Variants in RALYL observed in about 807,000 individuals in gnomAD.
The protein encoded by RALYL is RALY RNA binding protein like, also known as RNA-binding Raly-like protein.
In RALYL, 29 loss-of-function variants were observed where a neutral mutation model predicts 35.1. The observed-to-expected ratio is 0.83, with a 90% confidence interval of 0.61 to 1.13. The LOEUF (loss-of-function observed/expected upper bound fraction) is 1.13, where lower values mean the gene tolerates loss of function less well. RALYL is among the 50% of genes most tolerant of loss of function. The probability of loss-of-function intolerance (pLI) is 0.00; values close to 1 mark genes in which losing one functional copy is unlikely to be tolerated. For synonymous variants in RALYL, 120 were observed against 127.6 expected, an observed-to-expected ratio of 0.94 and a Z score of 0.40; for missense variants, 359 against 360.4, an observed-to-expected ratio of 1.00 and a Z score of 0.03.
Position 84,245,277 on chromosome 8 carries a change from A to G in RALYL, c.-24+60853A>G, listed in dbSNP as rs201829010. ...ATCTGGAACAATTGTCTCTGCTAGC[A>G]AGATGTGCAGAAACACAAAAGACTC... On this transcript the variant is annotated intron_variant, in intron 1 of 8. Coordinates refer to ENST00000521268, the MANE Select transcript of RALYL (RefSeq NM_173848.7). Among the ~76,000 whole-genome samples, 41 of 152,320 alleles carry G rather than the reference A, an allele frequency of 2.7e-4. No individual in the cohort carries two copies. In the East Asian group the frequency reaches 7.3e-3, roughly 27 times the overall value.
At chr8:84,431,604 T>C (rs2047151746) in intron 1 of RALYL, among the ~76,000 whole-genome samples, 1 of 152,166 alleles carries the variant, frequency 6.6e-6, no homozygotes, top group African/African-American at 2.4e-5. Context: ...TCTAGTTGTA[T>C]AGTATCAACC....
chr8:84,567,377 T>C (rs1252214), intron 2 of RALYL, among the ~76,000 whole-genome samples: 45,499 of 151,498 alleles, frequency 0.3, 7,690 homozygotes, highest in African/African-American at 0.46. Flanking sequence ...CCTCCCTTTT[T>C]GGAGTCCCCA....
intron 2 of RALYL, among the ~76,000 whole-genome samples, chr8:84,665,358 C>T (rs1428115369): frequency 6.6e-6 from 1 of 151,968 alleles, no homozygotes; most frequent in African/African-American, 2.4e-5. Flanking sequence ...AAGAGTCCCT[C>T]CTTTTCAATT....
intron 5 of RALYL, among the ~76,000 whole-genome samples, chr8:84,861,251 A>C (rs140369142): frequency 2.8e-4 from 43 of 152,272 alleles, no homozygotes; most frequent in African/African-American, 8.9e-4. Flanking sequence ...ACGTAATTAC[A>C]TGTCTAGTTC....
intron 2 of RALYL, among the ~76,000 whole-genome samples, chr8:84,538,229 A>G (rs2059759812): frequency 6.6e-6 from 1 of 152,192 alleles, no homozygotes; most frequent in African/African-American, 2.4e-5. Context: ...CACTGAACCT[A>G]AATTAGCGAA....
chr8:84,869,724 C>T (rs915091305), intron 6 of RALYL, among the ~76,000 whole-genome samples: 3 of 152,110 alleles, frequency 2.0e-5, no homozygotes, highest in Admixed American at 6.6e-5. Context: ...TTAAGAACCA[C>T]GGATCTAGAC....
intron 4 of RALYL, among the ~76,000 whole-genome samples, chr8:84,841,645 C>G (rs971113588): frequency 4.6e-5 from 7 of 152,140 alleles, no homozygotes; most frequent in Non-Finnish European, 7.3e-5. Flanking sequence ...AACTGTCTAC[C>G]CCAAATCAAC....
intron 1 of RALYL, among the ~76,000 whole-genome samples, chr8:84,408,152 A>G (rs1302030926): frequency 6.6e-6 from 1 of 152,154 alleles, no homozygotes; most frequent in Non-Finnish European, 1.5e-5. Context: ...AATGTTTAAA[A>G]TGTCATCCAC....
At chr8:84,621,921 C>T (rs577136708) in intron 2 of RALYL, among the ~76,000 whole-genome samples, 3 of 152,276 alleles carry the variant, frequency 2.0e-5, no homozygotes, top group African/African-American at 7.2e-5. Context: ...AACCAATTTA[C>T]TATGACTTTT....
chr8:84,545,081 T>A (rs2060266994), intron 2 of RALYL, among the ~76,000 whole-genome samples: 1 of 152,108 alleles, frequency 6.6e-6, no homozygotes, highest in Non-Finnish European at 1.5e-5. Context: ...TTTATGTCTC[T>A]TATCCATGTG....
At chr8:84,248,285 G>A (rs1206351485) in intron 1 of RALYL, among the ~76,000 whole-genome samples, 1 of 152,066 alleles carries the variant, frequency 6.6e-6, no homozygotes, top group African/African-American at 2.4e-5. Context: ...ATTTCAGGGG[G>A]CTTATGGGAG....
At chr8:84,686,367 A>T (rs548913328) in intron 2 of RALYL, among the ~76,000 whole-genome samples, 1 of 151,816 alleles carries the variant, frequency 6.6e-6, no homozygotes, top group African/African-American at 2.4e-5. Flanking sequence ...AACTGCCAGC[A>T]TGTTATTTAG....
chr8:84,381,924 T>C (rs1385717461), intron 1 of RALYL, among the ~76,000 whole-genome samples: 1 of 151,808 alleles, frequency 6.6e-6, no homozygotes, highest in Non-Finnish European at 1.5e-5. Context: ...TAGGGAAAAA[T>C]AGAAATAATC....
intron 8 of RALYL, among the ~76,000 whole-genome samples, chr8:84,900,412 C>T (rs1845471005): frequency 6.6e-6 from 1 of 152,130 alleles, no homozygotes; most frequent in African/African-American, 2.4e-5. Flanking sequence ...TGCGGTGGCT[C>T]ACGTCTGTAA....
chr8:84,877,495 A>AT lies in RALYL; in HGVS notation c.685+4098_685+4099insT, dbSNP rs1563794435. On this transcript the variant is annotated intron_variant, in intron 7 of 8. Transcript: ENST00000521268. Reference sequence around the variant, plus strand: ...GCGAGATTCCATCTCAAAACAAATAAATATATATATATATATATACACATA... The same window carrying AT: ...GCGAGATTCCATCTCAAAACAAATAATATATATATATATATATATACACATA... 2.7e-5 allele frequency among the ~76,000 whole-genome samples: 4 copies of AT among 149,446 alleles called. No homozygotes were observed. The East Asian group carries it at 7.8e-4, about 29-fold the overall frequency.
intron 2 of RALYL, among the ~76,000 whole-genome samples, chr8:84,753,665 C>T (rs936555363): frequency 3.3e-5 from 5 of 152,054 alleles, no homozygotes; most frequent in Admixed American, 1.3e-4. Flanking sequence ...GCACCTCTTC[C>T]CCACCCTTTC....
At chr8:84,559,120 A>AT (rs1218995796) in intron 2 of RALYL, among the ~76,000 whole-genome samples, 5 of 151,618 alleles carry the variant, frequency 3.3e-5, no homozygotes, top group Admixed American at 1.3e-4. Context: ...ACTGAGTGAT[A>AT]TTTTTTTTAA....
chr8:84,216,121 T>G lies in RALYL; in HGVS notation c.-24+31697T>G, dbSNP rs58245048. ...GACCCAGGGCTGTAATTATCTCTGT[T>G]GTACAGATAAGAAAACAGCTTTATA... On this transcript the variant is annotated intron_variant, in intron 1 of 8. Transcript: ENST00000521268. Among the ~76,000 whole-genome samples, 948 of 152,250 alleles carry G rather than the reference T, an allele frequency of 6.2e-3. 14 individuals carry two copies. The highest frequency in any genetic ancestry group is 0.021 in the African/African-American group (863 of 41,574).
At chr8:84,856,293 A>C (rs1478580172) in intron 5 of RALYL, among the ~76,000 whole-genome samples, 1 of 152,236 alleles carries the variant, frequency 6.6e-6, no homozygotes, top group African/African-American at 2.4e-5. Flanking sequence ...ACAGAATTAC[A>C]AGAATTAAAT....
Sources: gnomAD v4.1 joint callset for allele counts (sites outside exome capture counted in the v4.1 genomes callset) on GRCh38, gnomAD v4.1.1 for gene constraint, MANE v1.5 for transcripts, NCBI Gene and HGNC (gene_info 2026-07-23, HGNC 2026-07-21) for gene names.